Variants in GOPC observed in about 807,000 individuals in gnomAD.
GOPC encodes golgi associated PDZ and coiled-coil motif containing.
Under a neutral mutation model 51.2 loss-of-function variants are expected in GOPC, and 32 were observed. The observed-to-expected ratio is 0.63, with a 90% CI of 0.47 to 0.84. The LOEUF is 0.84. Ranked by LOEUF, GOPC falls within the 40% of genes least tolerant of loss-of-function variation. The pLI, the probability that GOPC is intolerant of heterozygous loss-of-function variation, is 0.00. For missense variants in GOPC, 441 were observed against 555.5 expected (o/e 0.79, Z 2.07); for synonymous variants, 190 against 205.1 (o/e 0.93, Z 0.63).
intron 1 of GOPC, among the ~76,000 whole-genome samples, chr6:117,579,805 C>T (rs1053182490): frequency 1.3e-5 from 2 of 151,938 alleles, no homozygotes; most frequent in African/African-American, 4.8e-5. Context: ...CATAATTTTG[C>T]TAAGCATCTA....
At chr6:117,577,142 G>A (rs1464488252) in intron 3 of GOPC, among the ~76,000 whole-genome samples, 2 of 152,096 alleles carry the variant, frequency 1.3e-5, no homozygotes, top group South Asian at 2.1e-4. Context: ...ATACCCTGAA[G>A]TGGGAAAACC....
chr6:117,579,126 T>C (rs1331666341), intron 1 of GOPC, 62 bp from the exon 2 acceptor site: 2 of 1,335,974 alleles, frequency 1.5e-6, no homozygotes, highest in East Asian at 2.4e-5. Context: ...TGACTAATAA[T>C]TGTTATTCAA....
At chr6:117,589,317 TTTTA>T (rs952352650) in intron 1 of GOPC, among the ~76,000 whole-genome samples, 4 of 152,224 alleles carry the variant, frequency 2.6e-5, no homozygotes, top group African/African-American at 9.6e-5. Flanking sequence ...TTTTCTTATT[TTTTA>T]TTTATTTATT....
chr6:117,597,224 T>C (rs564112959), intron 1 of GOPC, among the ~76,000 whole-genome samples: 2 of 152,344 alleles, frequency 1.3e-5, no homozygotes, highest in South Asian at 2.1e-4. Context: ...CTCACTTGTG[T>C]ACATTAATTT....
chr6:117,600,918 T>C (rs1338547577), intron 1 of GOPC, among the ~76,000 whole-genome samples: 1 of 152,196 alleles, frequency 6.6e-6, no homozygotes, highest in East Asian at 1.9e-4. Flanking sequence ...TAATCAAAGA[T>C]TAATTATGCC....
intron 3 of GOPC, among the ~76,000 whole-genome samples, chr6:117,577,120 G>A (rs1224333152): frequency 1.3e-5 from 2 of 152,074 alleles, no homozygotes; most frequent in Non-Finnish European, 2.9e-5. Flanking sequence ...AAGCCTGCTT[G>A]ATATATCTTC....
chr6:117,574,635 C>T (rs1253559029), intron 4 of GOPC, among the ~76,000 whole-genome samples: 1 of 152,094 alleles, frequency 6.6e-6, no homozygotes, highest in African/African-American at 2.4e-5. Flanking sequence ...CAGTAAGATA[C>T]TATCAGTGTT....
Position 117,602,380 on chromosome 6 carries a change from C to A in GOPC, c.-92G>T. ...CTGGGACTGAGGGGACCCCCGCGCG[C>A]GCGGGCACACTCCGTCACCTCCCTT... is the stretch of plus-strand genomic sequence containing the variant. On this transcript the variant is annotated 5_prime_UTR_variant, in exon 1 of 9. Coordinates refer to ENST00000368498, the MANE Select transcript of GOPC (RefSeq NM_020399.4). 1 of 1,280,026 alleles carries A rather than the reference C, an allele frequency of 7.8e-7. No individual in the cohort carries two copies. Among genetic ancestry groups the A allele is most frequent in the Non-Finnish European group, 1.0e-6 (1 of 956,526 alleles). The allele number at this position is 1,280,026 out of a possible 1,614,324, so 79.3% of individuals were successfully genotyped here.
intron 1 of GOPC, among the ~76,000 whole-genome samples, chr6:117,593,266 C>T (rs1780145928): frequency 6.6e-6 from 1 of 152,046 alleles, no homozygotes; most frequent in Non-Finnish European, 1.5e-5. Flanking sequence ...AAAAAGCCAT[C>T]AGACAGAAAC....
intron 1 of GOPC, among the ~76,000 whole-genome samples, chr6:117,591,989 A>C (rs1482436129): frequency 6.6e-6 from 1 of 152,188 alleles, no homozygotes; most frequent in African/African-American, 2.4e-5. Flanking sequence ...TTATCTCATT[A>C]TCTTTCCCAG....
chr6:117,565,170 C>G (rs1302528827), intron 8 of GOPC, among the ~76,000 whole-genome samples: 1 of 151,984 alleles, frequency 6.6e-6, no homozygotes, highest in Non-Finnish European at 1.5e-5. Flanking sequence ...ATGTTCCAAA[C>G]AAAAAAATTC....
At chr6:117,582,142 A>G (rs1463271284) in intron 1 of GOPC, among the ~76,000 whole-genome samples, 1 of 150,524 alleles carries the variant, frequency 6.6e-6, no homozygotes. Flanking sequence ...CCATTTGAAT[A>G]CCCTCTTTTG....
intron 1 of GOPC, among the ~76,000 whole-genome samples, chr6:117,596,876 T>C (rs1458183929): frequency 6.6e-6 from 1 of 152,194 alleles, no homozygotes; most frequent in African/African-American, 2.4e-5. Context: ...GTGGGCTTTT[T>C]TTGGTTCCAT....
chr6:117,594,686 G>A (rs138933634), intron 1 of GOPC, among the ~76,000 whole-genome samples: 152 of 152,280 alleles, frequency 1.0e-3, no homozygotes, highest in African/African-American at 3.6e-3. Flanking sequence ...AAAGGGACAA[G>A]CATATCACCA....
At chr6:117,569,530 C>T (rs763684563) in intron 7 of GOPC, 42 bp downstream of exon 7, 1 of 1,602,172 alleles carries the variant, frequency 6.2e-7, no homozygotes, top group Non-Finnish European at 8.5e-7. Flanking sequence ...AGATTCATAA[C>T]CAATTGATAG....
rs2114597302 is a variant in GOPC, at chr6:117,562,991, T to C, written c.*263A>G. ...CATTTGGTACTTAAGAGCCCAGTAA[T>C]ACCCCTTTGGGAAACACATGCTTTG... is the stretch of plus-strand genomic sequence containing the variant. On this transcript the variant is annotated 3_prime_UTR_variant, in exon 9 of 9. Transcript: ENST00000368498. 1 of 421,160 alleles carries C rather than the reference T, an allele frequency of 2.4e-6. No individual in the cohort carries two copies. Among genetic ancestry groups the C allele is most frequent in the East Asian group, 4.1e-5 (1 of 24,586 alleles). The allele number at this position is 421,160 out of a possible 1,614,324, so 26.1% of individuals were successfully genotyped here. A position where few individuals can be genotyped will look rare whatever the true frequency, so the allele number is the denominator to read the frequency against.
At position 117,561,627 on chromosome 6, in the gene GOPC, A is replaced by G. The variant is rs964176205; in HGVS notation, c.*1627T>C. 1.5e-5 allele frequency: 3 copies of G among 204,274 alleles called. No homozygotes were observed. Among genetic ancestry groups the G allele is most frequent in the African/African-American group, 6.9e-5 (3 of 43,770 alleles). 12.7% of individuals were successfully genotyped at this position (204,274 alleles called of 1,614,324 possible). ...AGGCCTACCCTGTCAAGAGCAAACA[A>G]TAACATGTAACTTGCTTATTCATTT... is the stretch of plus-strand genomic sequence containing the variant. On this transcript the variant is annotated 3_prime_UTR_variant, in exon 9 of 9. Transcript: ENST00000368498.
chr6:117,579,205 A>G, intron 1 of GOPC, 141 bp from the exon 2 acceptor site: 1 of 657,226 alleles, frequency 1.5e-6, no homozygotes, highest in Non-Finnish European at 2.4e-6. Context: ...CCAAGATACA[A>G]GACATCCATC....
intron 2 of GOPC, 91 bp downstream of exon 2, chr6:117,578,809 A>G (rs767393424): frequency 1.7e-5 from 13 of 743,286 alleles, no homozygotes; most frequent in Non-Finnish European, 2.6e-5. Context: ...CAATAAGCAC[A>G]TATATTTTAT....
Sources: gnomAD v4.1 joint callset for allele counts (sites outside exome capture counted in the v4.1 genomes callset) on GRCh38, gnomAD v4.1.1 for gene constraint, MANE v1.5 for transcripts, NCBI Gene and HGNC (gene_info 2026-07-23, HGNC 2026-07-21) for gene names.